The following MAP3K6 variants were observed in gnomAD, a reference collection of about 807,000 sequenced individuals.
The protein encoded by MAP3K6 is mitogen-activated protein kinase kinase kinase 6.
In MAP3K6, 105 loss-of-function variants were observed where a neutral mutation model predicts 147.1. That is an observed-to-expected ratio of 0.71 (90% CI 0.61 to 0.84). The LOEUF (loss-of-function observed/expected upper bound fraction) is 0.84. MAP3K6 is among the 40% of genes least tolerant of loss of function. The pLI is 0.00. For synonymous variants in MAP3K6, 695 were observed against 732.4 expected (o/e 0.95, Z 0.82); for missense variants, 1,569 against 1,715.0 (o/e 0.91, Z 1.50).
Position 27,358,773 on chromosome 1 carries a change from AT to A in MAP3K6, c.2518del (p.Ile840LeufsTer152), listed in dbSNP as rs1557558604. ...GGGGGGGCGACCTGTGGCCATCTCA[AT>A]GACAGTGCAGCCCAGTGACCAGATG... ...ADIWSLGCTV[I>X]EMATGRPPFH... On this transcript the variant is annotated frameshift_variant, in exon 19 of 29. Transcript: ENST00000357582. LOFTEE classifies it high-confidence loss of function. The surrounding 1 kb of genome is among the most constrained non-coding windows in gnomAD (Gnocchi z 6.2). The A allele has an allele frequency of 3.7e-6, 6 of 1,613,828 alleles. No individual in the cohort carries two copies. Among genetic ancestry groups the A allele is most frequent in the Non-Finnish European group, 5.1e-6 (6 of 1,179,954 alleles).
Position 27,356,581 on chromosome 1 carries a change from G to A in MAP3K6, c.3524+9C>T, listed in dbSNP as rs2015531331. ...GGCAGAGGCTATGAGCGATTCCAAGGGGCTTTACCGATCAGTCTCTGCCCT... is the reference window on the plus strand; with the variant it reads ...GGCAGAGGCTATGAGCGATTCCAAGAGGCTTTACCGATCAGTCTCTGCCCT... On this transcript the variant is annotated intron_variant, in intron 25 of 28. Transcript: ENST00000357582. The A allele has an allele frequency of 5.0e-6, 8 of 1,612,244 alleles. No individual in the cohort carries two copies. The highest frequency in any genetic ancestry group is 2.2e-5 in the South Asian group (2 of 90,882).
chr1:27,358,966 T>A lies in MAP3K6; in HGVS notation c.2426-100A>T. ...ATCCTCAGGCCGACTGCACCCATAC[T>A]GAACCTATCATCCAAAATATACCTC... On this transcript the variant is annotated intron_variant, in intron 18 of 28. Coordinates refer to ENST00000357582, the MANE Select transcript of MAP3K6 (RefSeq NM_004672.5). This position sits in a 1 kb window ranked among gnomAD's most constrained non-coding sequence, Gnocchi z 6.2. 8.2e-7 allele frequency: 1 copy of A among 1,226,434 alleles called. No homozygotes were observed. The highest frequency in any genetic ancestry group is 1.1e-6 in the Non-Finnish European group (1 of 879,336). The allele number at this position is 1,226,434 out of a possible 1,614,324, so 76.0% of individuals were successfully genotyped here.
At position 27,355,454 on chromosome 1, in the gene MAP3K6, G is replaced by C; in HGVS notation, c.3804C>G (p.Cys1268Trp). The C allele has an allele frequency of 6.2e-7, 1 of 1,614,128 alleles. No homozygotes were observed. Among genetic ancestry groups the C allele is most frequent in the Non-Finnish European group, 8.5e-7 (1 of 1,180,008 alleles). Residue 1268 changes from cysteine (C) to tryptophan (W), a missense_variant, in exon 29 of 29, where the codon TGC becomes TGG. Coordinates refer to ENST00000357582, the MANE Select transcript of MAP3K6 (RefSeq NM_004672.5). ...IYTRIRGGMV[C>W]RIWRAILAQR... ...GTGCCAAGATGGCCCTCCAGATGCG[G>C]CATACCATCCCTCCCCTGGGGGTAA...
chr1:27,362,301 A>T, intron 8 of MAP3K6, 51 bp from the exon 9 acceptor site: 1 of 1,544,570 alleles, frequency 6.5e-7, no homozygotes, highest in African/African-American at 1.4e-5. Flanking sequence ...GGGGTGAGTG[A>T]GGCCCACCAT....
chr1:27,362,374 CTCGGGTGGGAACAGGAGCTCAGG>C (rs2015810491), intron 8 of MAP3K6, 124 bp from the exon 9 acceptor site: 1 of 1,041,954 alleles, frequency 9.6e-7, no homozygotes, highest in Admixed American at 2.8e-5. Context: ...ATGGCAAGAT[CTCGGGTGGGAACAGGAGCTCAGG>C]CACAGGTATA....
At chr1:27,363,089 A>G in intron 6 of MAP3K6, 68 bp from the exon 7 acceptor site, 1 of 1,438,870 alleles carries the variant, frequency 6.9e-7, no homozygotes, top group South Asian at 1.3e-5. Flanking sequence ...ACCTCTAGAC[A>G]CTGAACCAGC....
rs758208089 is a variant in MAP3K6, at chr1:27,361,690, C to A, written c.1578+15G>T. 4.3e-6 allele frequency: 7 copies of A among 1,613,706 alleles called. No individual in the cohort carries two copies. The African/African-American group carries it at 8.0e-5, about 18-fold the overall frequency. ...CTTACCCCTTTCCCGGGTCCACCAC[C>A]CCTACAGGCCTCACCAAGCACTGGT... On this transcript the variant is annotated intron_variant, in intron 10 of 28. Transcript: ENST00000357582.
rs1331610155 is a variant in MAP3K6 at position 27,357,829 on chromosome 1, C to T, written c.2963G>A (p.Ser988Asn). ...CTGGTGCAGCAGGCTCAGCCCCGAACTCTCCTCCGGAGACGCAGGCTCCTC... is the reference window on the plus strand; with the variant it reads ...CTGGTGCAGCAGGCTCAGCCCCGAATTCTCCTCCGGAGACGCAGGCTCCTC... ...AAEEPASPEE[S>N]SGLSLLHQES... Residue 988 changes from serine (S) to asparagine (N), a missense_variant, in exon 22 of 29, where the codon AGT becomes AAT. Coordinates refer to ENST00000357582, the MANE Select transcript of MAP3K6 (RefSeq NM_004672.5). 3 of 1,601,746 alleles carry T rather than the reference C, an allele frequency of 1.9e-6. No homozygotes were observed. Among genetic ancestry groups the T allele is most frequent in the Admixed American group, 1.7e-5 (1 of 58,798 alleles).
chr1:27,360,820 C>T lies in MAP3K6; in HGVS notation c.1939G>A (p.Glu647Lys). Residue 647 changes from glutamate to lysine, a missense_variant, in exon 15 of 29, where the codon GAG (glutamate) becomes AAG (lysine). Coordinates refer to ENST00000357582, the MANE Select transcript of MAP3K6 (RefSeq NM_004672.5). This position sits in a 1 kb window ranked among gnomAD's most constrained non-coding sequence, Gnocchi z 4.5. Reference sequence around the variant, plus strand: ...CCCAGCACCAGCCGCTCGCCCGTCTCCGTGTACTCATAATCAAACTGCCGG... The same window carrying T: ...CCCAGCACCAGCCGCTCGCCCGTCTTCGTGTACTCATAATCAAACTGCCGG... ...EMLEFDYEYT[E>K]TGERLVLGKG... 1 of 1,612,906 alleles carries T rather than the reference C, an allele frequency of 6.2e-7. No homozygotes were observed. The highest frequency in any genetic ancestry group is 8.5e-7 in the Non-Finnish European group (1 of 1,179,874).
rs1557567839 is a variant in MAP3K6 at position 27,364,271 on chromosome 1, C to G, written c.628G>C (p.Glu210Gln). 3.7e-6 allele frequency: 6 copies of G among 1,613,668 alleles called. No homozygotes were observed. The highest frequency in any genetic ancestry group is 1.1e-5 in the South Asian group (1 of 91,086). Residue 210 changes from glutamate to glutamine, a missense_variant, in exon 4 of 29, where the codon GAG becomes CAG. Physicochemically the swap from Glu to Gln is conservative, Grantham distance 29 (BLOSUM62 2). Transcript: ENST00000357582. This position sits in a 1 kb window ranked among gnomAD's most constrained non-coding sequence, Gnocchi z 4.4. ...DGLVQAGVGT[E>Q]ALLTPLVGRL... ...CCCACCAGGGGAGTGAGCAGGGCCT[C>G]GGTCCCCACTCCAGCCTGTACCAGC... is the stretch of plus-strand genomic sequence containing the variant.
chr1:27,358,725 T>C lies in MAP3K6; in HGVS notation c.2567A>G (p.Gln856Arg). The change falls in exon 19 of 29, where the codon CAG becomes CGG. Residue 856 changes from glutamine to arginine, a missense_variant. Physicochemically the swap from Gln to Arg is conservative, Grantham distance 43 (BLOSUM62 1). Transcript: ENST00000357582. The surrounding 1 kb of genome is among the most constrained non-coding windows in gnomAD (Gnocchi z 6.2). Reference protein sequence around the residue: ...RPPFHELGSPQAAMFQVGMYK... With the variant: ...RPPFHELGSPRAAMFQVGMYK... Reference sequence around the variant, plus strand: ...AGGTCTCACCTGAAACATGGCAGCCTGTGGGCTCCCGAGCTCGTGGAAGGG... The same window carrying C: ...AGGTCTCACCTGAAACATGGCAGCCCGTGGGCTCCCGAGCTCGTGGAAGGG... The C allele has an allele frequency of 1.2e-6, 2 of 1,613,924 alleles. No individual in the cohort carries two copies. Among genetic ancestry groups the C allele is most frequent in the South Asian group, 1.1e-5 (1 of 91,082 alleles).
At chr1:27,361,889 C>T in intron 9 of MAP3K6, 22 bp from the exon 10 acceptor site, 1 of 1,519,184 alleles carries the variant, frequency 6.6e-7, no homozygotes, top group South Asian at 1.3e-5. Context: ...GCCACATCCT[C>T]AGTTCAGCCC....
Position 27,360,119 on chromosome 1 carries a change from A to G in MAP3K6, c.2182+122T>C. 1 of 1,576,896 alleles carries G rather than the reference A, an allele frequency of 6.3e-7. No individual in the cohort carries two copies. Among genetic ancestry groups the G allele is most frequent in the Non-Finnish European group, 8.6e-7 (1 of 1,157,064 alleles). On this transcript the variant is annotated intron_variant, in intron 16 of 28. Transcript: ENST00000357582. This position sits in a 1 kb window ranked among gnomAD's most constrained non-coding sequence, Gnocchi z 4.5. The stretch of plus-strand genomic sequence containing the variant: ...ATCACCCAGCGCCACTCCTCAGCTA[A>G]TTCTAGGCTACACCACCCACACGCA...
In MAP3K6 at chr1:27,360,936, C is replaced by T. The variant is rs769135333; in HGVS notation, c.1905G>A (p.Ala635=). Residue 635 remains alanine, a synonymous_variant, in exon 14 of 29, where the codon GCG becomes GCA. Transcript: ENST00000357582. This position sits in a 1 kb window ranked among gnomAD's most constrained non-coding sequence, Gnocchi z 4.5. ...STAPAEEAEG[A]GEMLEFDYEY... is the part of the protein sequence containing the mutation. ...GCGTCCTCACCTCCAACATCTCCCCCGCGCCCTCCGCCTCCTCCGCGGGCG... is the reference window on the plus strand; with the variant it reads ...GCGTCCTCACCTCCAACATCTCCCCTGCGCCCTCCGCCTCCTCCGCGGGCG... 3 of 1,608,006 alleles carry T rather than the reference C, an allele frequency of 1.9e-6. No homozygotes were observed. In the Admixed American group the frequency reaches 5.0e-5, roughly 27 times the overall value.
chr1:27,357,436 CGCA>C lies in MAP3K6; in HGVS notation c.3219_3221del (p.Ala1074del). ...AGGCAAACAGCGGTCTGTGCAGAAG[CGCA>C]GGCCCAAGGCCCTGGGCCCTCAGCC... is the stretch of plus-strand genomic sequence containing the variant. On this transcript the variant is annotated inframe_deletion, in exon 23 of 29. Transcript: ENST00000357582. 6.2e-7 allele frequency: 1 copy of C among 1,612,522 alleles called. No individual in the cohort carries two copies. Among genetic ancestry groups the C allele is most frequent in the Middle Eastern group, 1.7e-4 (1 of 6,056 alleles).
At chr1:27,357,959 C>T (rs894175134) in intron 21 of MAP3K6, 83 bp from the exon 22 acceptor site, 8 of 1,484,398 alleles carry the variant, frequency 5.4e-6, no homozygotes, top group Admixed American at 2.4e-5. Flanking sequence ...TCCTGGCTCT[C>T]CTACTTTTAT....
chr1:27,363,599 G>A, intron 5 of MAP3K6, 51 bp from the exon 6 acceptor site: 3 of 1,423,392 alleles, frequency 2.1e-6, no homozygotes, highest in Non-Finnish European at 2.9e-6. Context: ...AGGCCCCAAG[G>A]AACCTTGAGC....
chr1:27,364,157 C>G lies in MAP3K6; in HGVS notation c.695+47G>C, dbSNP rs1181348384. On this transcript the variant is annotated intron_variant, in intron 4 of 28. Transcript: ENST00000357582. This position sits in a 1 kb window ranked among gnomAD's most constrained non-coding sequence, Gnocchi z 4.4. ...GTACCTCAGCCCCAGCCCACCATAC[C>G]CTCACCAGCCCCCTCCTGGAGCACC... 6.3e-7 allele frequency: 1 copy of G among 1,599,452 alleles called. No individual in the cohort carries two copies. Among genetic ancestry groups the G allele is most frequent in the African/African-American group, 1.3e-5 (1 of 74,896 alleles).
chr1:27,364,053 A>G lies in MAP3K6; in HGVS notation c.728T>C (p.Ile243Thr). 6.2e-7 allele frequency: 1 copy of G among 1,612,936 alleles called. No individual in the cohort carries two copies. The highest frequency in any genetic ancestry group is 8.5e-7 in the Non-Finnish European group (1 of 1,179,904). The stretch of plus-strand genomic sequence containing the variant: ...ACTGAACCGCTCCCGCGCCTGCCGG[A>G]TGTCCCGCCGAATGGTCTCCCGGAA... ...GYFRETIRRD[I>T]RQARERFSGP... Residue 243 changes from isoleucine (I) to threonine (T), a missense_variant, in exon 5 of 29, where the codon ATC (isoleucine) becomes ACC (threonine). Physicochemically the swap from Ile to Thr is moderately conservative, Grantham distance 89 (BLOSUM62 -1). Transcript: ENST00000357582. The surrounding 1 kb of genome is among the most constrained non-coding windows in gnomAD (Gnocchi z 4.4).
Sources: allele counts gnomAD v4.1 joint callset, GRCh38; gene constraint gnomAD v4.1.1; non-coding constraint Gnocchi (gnomAD v3.1); transcripts MANE v1.5; gene names NCBI Gene and HGNC (gene_info 2026-07-23, HGNC 2026-07-21).